G2E3: variants seen among roughly 807,000 people sequenced by gnomAD.
G2E3 encodes G2/M-phase specific E3 ubiquitin protein ligase, also known as G2/M phase-specific E3 ubiquitin-protein ligase.
In G2E3, 35 loss-of-function variants were observed where a neutral mutation model predicts 92.8. That is an observed-to-expected ratio of 0.38 (90% CI 0.29 to 0.50). G2E3 has a LOEUF of 0.50. Among genes scored for constraint, G2E3 ranks in the 20% least tolerant of loss-of-function variants. The pLI, the probability that G2E3 is intolerant of heterozygous loss-of-function variation, is 0.94. For missense variants in G2E3, 554 were observed against 823.8 expected (o/e 0.67, Z 4.01); for synonymous variants, 242 against 272.4 (o/e 0.89, Z 1.10).
intron 8 of G2E3, among the ~76,000 whole-genome samples, chr14:30,600,340 C>T (rs142200360): frequency 3.8e-4 from 58 of 152,090 alleles, no homozygotes; most frequent in Non-Finnish European, 7.6e-4. Context: ...ATATAGTTGG[C>T]GTTATTTAAA....
chr14:30,583,915 C>T (rs1326084231), intron 2 of G2E3, among the ~76,000 whole-genome samples: 3 of 152,100 alleles, frequency 2.0e-5, no homozygotes, highest in Non-Finnish European at 1.5e-5. Flanking sequence ...AGTTTGGTGG[C>T]ATTTAGTACA....
chr14:30,611,386 C>T (rs1045684255), intron 12 of G2E3: 4 of 152,200 alleles, frequency 2.6e-5, no homozygotes, highest in Non-Finnish European at 4.4e-5. Flanking sequence ...TCATGTAAAT[C>T]TCTAAGAATG....
In G2E3 at chr14:30,593,559, T is replaced by C; in HGVS notation, c.448T>C (p.Phe150Leu). The change falls in exon 6 of 15, where the codon TTT (phenylalanine) becomes CTT (leucine). Residue 150 changes from phenylalanine to leucine, a missense_variant. Physicochemically the swap from Phe to Leu is conservative, Grantham distance 22. Around this residue, in one of 3 missense-constraint regions of G2E3, gnomAD observed 137 missense variants for 201.3 expected, o/e 0.68. Coordinates refer to ENST00000206595, the MANE Select transcript of G2E3 (RefSeq NM_017769.5). ...ESLPCTICLE[F>L]IEPIPSYNIL... ...CTTACCATGCACCATTTGCTTGGAA[T>C]TTATTGAGCCTATTCCAAGTTATAA... is the stretch of plus-strand genomic sequence containing the variant. 2 of 1,595,444 alleles carry C rather than the reference T, an allele frequency of 1.3e-6. No individual in the cohort carries two copies. Among genetic ancestry groups the C allele is most frequent in the Non-Finnish European group, 1.7e-6 (2 of 1,163,572 alleles).
In G2E3 at chr14:30,607,898, G is replaced by T; in HGVS notation, c.1329G>T (p.Glu443Asp). 2 of 1,588,988 alleles carry T rather than the reference G, an allele frequency of 1.3e-6. No individual in the cohort carries two copies. Among genetic ancestry groups the T allele is most frequent in the Non-Finnish European group, 1.7e-6 (2 of 1,160,316 alleles). ...CATCTGTATTTACAGCTCTGAAAGA[G>T]AATCTTTACTATGAAGCTGGCAAAA... is the stretch of plus-strand genomic sequence containing the variant. ...NLSLNSQALK[E>D]NLYYEAGKML... is the part of the protein sequence containing the mutation. The change falls in exon 12 of 15, where the codon GAG becomes GAT. Residue 443 changes from glutamate (E) to aspartate (D), a missense_variant. Around this residue, in one of 3 missense-constraint regions of G2E3, gnomAD observed 397 missense variants for 560.3 expected, o/e 0.71. Transcript: ENST00000206595.
chr14:30,602,316 G>GATAGA (rs1430090369), intron 10 of G2E3, among the ~76,000 whole-genome samples, 185 bp downstream of exon 10: 19 of 151,756 alleles, frequency 1.3e-4, no homozygotes, highest in Non-Finnish European at 7.4e-5. Context: ...AATGAAATGG[G>GATAGA]ATAGAATAGA....
At position 30,616,692 on chromosome 14, in the gene G2E3, G is replaced by C; in HGVS notation, c.*158G>C. ...TATAAAGGAATATTATAGCCACTTAGGCTAAAAAAAGGTTTTTTTTGTTAA... is the reference window on the plus strand; with the variant it reads ...TATAAAGGAATATTATAGCCACTTACGCTAAAAAAAGGTTTTTTTTGTTAA... On this transcript the variant is annotated 3_prime_UTR_variant, in exon 15 of 15. Transcript: ENST00000206595. The C allele has an allele frequency of 3.6e-6, 2 of 556,272 alleles. No homozygotes were observed. The highest frequency in any genetic ancestry group is 5.9e-5 in the South Asian group (2 of 33,910). The allele number at this position is 556,272 out of a possible 1,614,324, so 34.5% of individuals were successfully genotyped here. A position where few individuals can be genotyped will look rare whatever the true frequency, so the allele number is the denominator to read the frequency against.
chr14:30,615,230 G>A, intron 13 of G2E3, 119 bp from the exon 14 acceptor site: 1 of 562,340 alleles, frequency 1.8e-6, no homozygotes, highest in Non-Finnish European at 3.1e-6. Flanking sequence ...TTTTTTGGTT[G>A]TTTTTTAAAA....
At position 30,603,629 on chromosome 14, in the gene G2E3, C is replaced by T. The variant is rs538594650; in HGVS notation, c.1010+1498C>T. ...GGCTAAGGTGGGAGGATCATTTGAA[C>T]CCTGGAGTTCGAAACCAGTCTGGGC... is the stretch of plus-strand genomic sequence containing the variant. On this transcript the variant is annotated intron_variant, in intron 10 of 14. Transcript: ENST00000206595. 9.2e-5 allele frequency among the ~76,000 whole-genome samples: 14 copies of T among 152,212 alleles called. 1 individual carries two copies. The South Asian group carries it at 2.9e-3, about 32-fold the overall frequency.
chr14:30,601,672 C>T (rs530942405), intron 8 of G2E3, 98 bp from the exon 9 acceptor site: 14 of 1,097,346 alleles, frequency 1.3e-5, no homozygotes, highest in Non-Finnish European at 1.5e-5. Context: ...CGGGTGTGTG[C>T]GTGTTTGTGT....
In G2E3 at chr14:30,598,617, G is replaced by C. The variant is rs760451037; in HGVS notation, c.752+18G>C. Reference sequence around the variant, plus strand: ...CCTGATAGGTATTTCTGAAAGTTCAGTTGTGCTTAGTGGTTCCTTGTTTAA... The same window carrying C: ...CCTGATAGGTATTTCTGAAAGTTCACTTGTGCTTAGTGGTTCCTTGTTTAA... On this transcript the variant is annotated intron_variant, in intron 8 of 14. Coordinates refer to ENST00000206595, the MANE Select transcript of G2E3 (RefSeq NM_017769.5). The C allele has an allele frequency of 7.1e-7, 1 of 1,409,556 alleles. No homozygotes were observed. The highest frequency in any genetic ancestry group is 1.4e-5 in the African/African-American group (1 of 71,024). 87.3% of individuals were successfully genotyped at this position (1,409,556 alleles called of 1,614,324 possible). A position where few individuals can be genotyped will look rare whatever the true frequency, so the allele number is the denominator to read the frequency against.
At chr14:30,591,749 C>T (rs1881023320) in intron 4 of G2E3, among the ~76,000 whole-genome samples, 1 of 152,132 alleles carries the variant, frequency 6.6e-6, no homozygotes, top group Non-Finnish European at 1.5e-5. Context: ...TCTCAAGATC[C>T]TTAACTTAAT....
chr14:30,572,457 G>A (rs1212724856), intron 1 of G2E3, among the ~76,000 whole-genome samples: 2 of 152,098 alleles, frequency 1.3e-5, no homozygotes, highest in African/African-American at 2.4e-5. Context: ...TGTATCTGTT[G>A]ACATTGTGTC....
chr14:30,597,748 C>T (rs1421378627), intron 7 of G2E3, among the ~76,000 whole-genome samples: 3 of 152,148 alleles, frequency 2.0e-5, no homozygotes, highest in African/African-American at 4.8e-5. Flanking sequence ...TTATAAGTAG[C>T]TCAGCTATGT....
chr14:30,576,416 C>T (rs1323658609), intron 1 of G2E3, among the ~76,000 whole-genome samples: 1 of 152,100 alleles, frequency 6.6e-6, no homozygotes, highest in Non-Finnish European at 1.5e-5. Flanking sequence ...CTATAAAAAC[C>T]CTGGAAGACA....
intron 1 of G2E3, among the ~76,000 whole-genome samples, chr14:30,563,123 C>A (rs997741997): frequency 6.7e-6 from 1 of 149,686 alleles, no homozygotes; most frequent in South Asian, 2.1e-4. Flanking sequence ...AAAAACCCAC[C>A]GATCCTGTGG....
At chr14:30,592,560 G>C in intron 5 of G2E3, 113 bp downstream of exon 5, 1 of 791,680 alleles carries the variant, frequency 1.3e-6, no homozygotes, top group Non-Finnish European at 2.0e-6. Context: ...TCAGAGTTTA[G>C]ATATAACATT....
chr14:30,571,696 C>A (rs1191879706), intron 1 of G2E3, among the ~76,000 whole-genome samples: 1 of 151,894 alleles, frequency 6.6e-6, no homozygotes. Flanking sequence ...CAGTGAATTA[C>A]CTTGGTATCT....
intron 8 of G2E3, 25 bp from the exon 9 acceptor site, chr14:30,601,745 G>C: frequency 1.2e-6 from 2 of 1,613,264 alleles, no homozygotes; most frequent in South Asian, 1.1e-5. Context: ...CAAAATGTAA[G>C]TTCTGCTTTT....
At chr14:30,575,984 CCAA>C (rs1880062945) in intron 1 of G2E3, among the ~76,000 whole-genome samples, 1 of 152,162 alleles carries the variant, frequency 6.6e-6, no homozygotes, top group South Asian at 2.1e-4. Context: ...TGTCAAACTA[CCAA>C]CAACATTCTT....
Sources: allele counts gnomAD v4.1 joint callset (sites outside exome capture counted in the v4.1 genomes callset), GRCh38; gene constraint gnomAD v4.1.1; regional missense constraint gnomAD v4.1.1; transcripts MANE v1.5; gene names NCBI Gene and HGNC (gene_info 2026-07-23, HGNC 2026-07-21).